THAP12: variants seen among roughly 807,000 people sequenced by gnomAD.
THAP12 encodes THAP domain containing 12, also known as 52 kDa repressor of the inhibitor of the protein kinase.
In THAP12, 20 loss-of-function variants were observed where a neutral mutation model predicts 63.0. That is an observed-to-expected ratio of 0.32 (90% confidence interval 0.22 to 0.46). THAP12 has a LOEUF of 0.46. Ranked by LOEUF, THAP12 falls within the 20% of genes least tolerant of loss-of-function variation. THAP12 has a pLI of 1.00. For missense variants in THAP12, 568 were observed against 908.2 expected, an observed-to-expected ratio of 0.63 and a Z score of 4.81; for synonymous variants, 264 against 328.4, an observed-to-expected ratio of 0.80 and a Z score of 2.12.
At chr11:76,379,740 T>C (rs1946737455) in intron 1 of THAP12, among the ~76,000 whole-genome samples, 1 of 152,220 alleles carries the variant, frequency 6.6e-6, no homozygotes, top group East Asian at 1.9e-4. Context: ...ACACACTACG[T>C]ATTTTACTTG....
chr11:76,358,573 G>A (rs1256512651), intron 3 of THAP12: 1 of 152,146 alleles, frequency 6.6e-6, no homozygotes, highest in Non-Finnish European at 1.5e-5. Context: ...GGGGAGCTGA[G>A]GTAAGAGGAC....
chr11:76,380,529 G>A (rs1173262997), intron 1 of THAP12, among the ~76,000 whole-genome samples: 1 of 152,164 alleles, frequency 6.6e-6, no homozygotes, highest in African/African-American at 2.4e-5. Flanking sequence ...TCCGCGCAGA[G>A]CCCCCACCAG....
At chr11:76,360,758 T>G (rs1365017682) in intron 3 of THAP12, among the ~76,000 whole-genome samples, 198 bp downstream of exon 3, 1 of 152,216 alleles carries the variant, frequency 6.6e-6, no homozygotes, top group African/African-American at 2.4e-5. Context: ...ACTGGCTAAC[T>G]CTGAGGGAGA....
chr11:76,359,383 A>T (rs912433558), intron 3 of THAP12: 1 of 152,200 alleles, frequency 6.6e-6, no homozygotes, highest in Non-Finnish European at 1.5e-5. Context: ...AATAGTTTAT[A>T]CTGTAACAGT....
At chr11:76,380,626 A>G in intron 1 of THAP12, 122 bp downstream of exon 1, 1 of 691,148 alleles carries the variant, frequency 1.4e-6, no homozygotes, top group Non-Finnish European at 2.0e-6. Flanking sequence ...GGTCGACGGC[A>G]GTGCGCTGCG....
chr11:76,380,811 T>C lies in THAP12; in HGVS notation c.26A>G (p.Asn9Ser), dbSNP rs956763266. 20 of 1,451,264 alleles carry C rather than the reference T, an allele frequency of 1.4e-5. No individual in the cohort carries two copies. The highest frequency in any genetic ancestry group is 4.5e-5 in the African/African-American group (3 of 67,252). The allele number at this position is 1,451,264 out of a possible 1,614,324, so 89.9% of individuals were successfully genotyped here. Reference protein sequence around the residue: MPNFCAAPNCTRKSTQSDL... With the variant: MPNFCAAPSCTRKSTQSDL... ...GGACTGCGTGCTCTTCCGCGTGCAG[T>C]TGGGGGCAGCGCAGAAGTTCGGCAT... Residue 9 changes from asparagine (N) to serine (S), a missense_variant, in exon 1 of 5, where the codon AAC becomes AGC. Coordinates refer to ENST00000260045, the MANE Select transcript of THAP12 (RefSeq NM_004705.4).
intron 1 of THAP12, among the ~76,000 whole-genome samples, chr11:76,378,398 C>T (rs908384121): frequency 6.6e-6 from 1 of 152,096 alleles, no homozygotes; most frequent in African/African-American, 2.4e-5. Context: ...GCACTGCAGC[C>T]TGGGCAACAG....
At position 76,350,892 on chromosome 11, in the gene THAP12, T is replaced by A; in HGVS notation, c.2258A>T (p.Asp753Val). 6.5e-7 allele frequency: 1 copy of A among 1,544,660 alleles called. No individual in the cohort carries two copies. Among genetic ancestry groups the A allele is most frequent in the Non-Finnish European group, 8.7e-7 (1 of 1,148,670 alleles). Residue 753 changes from aspartate (D) to valine (V), a missense_variant, in exon 5 of 5, where the codon GAT (aspartate) becomes GTT (valine). By Grantham distance (152) the Asp-to-Val change is radical. Coordinates refer to ENST00000260045, the MANE Select transcript of THAP12 (RefSeq NM_004705.4). ...GGTATTTTCCACAGTTTCGGAATTA[T>A]CTGTAGGAAGCTCTGACTTACTTGT... ...LYTSKSELPT[D>V]NSETVENT
chr11:76,373,015 T>C (rs1046007239), intron 1 of THAP12, among the ~76,000 whole-genome samples: 5 of 152,204 alleles, frequency 3.3e-5, no homozygotes, highest in African/African-American at 1.2e-4. Context: ...TCTCTGTACC[T>C]ACTTTGGTCA....
chr11:76,374,312 A>C (rs1013352009), intron 1 of THAP12, among the ~76,000 whole-genome samples: 1 of 152,200 alleles, frequency 6.6e-6, no homozygotes, highest in South Asian at 2.1e-4. Flanking sequence ...CTGTAAAACC[A>C]TAAATTGGTC....
At chr11:76,375,747 T>TG (rs142075711) in intron 1 of THAP12, among the ~76,000 whole-genome samples, 19,959 of 84,924 alleles carry the variant, frequency 0.24, 2,725 homozygotes, top group African/African-American at 0.38. Flanking sequence ...GAAGAAAAGG[T>TG]GGGGGGGGGG....
In THAP12 at chr11:76,351,520, T is replaced by C. The variant is rs765472631; in HGVS notation, c.1630A>G (p.Thr544Ala). The part of the protein sequence containing the change: ...FWFEEATNLA[T>A]KLDIQMKLPG... Reference sequence around the variant, plus strand: ...AGTTTCATTTGAATATCAAGTTTGGTTGCCAAATTTGTGGCTTCCTCAAAC... The same window carrying C: ...AGTTTCATTTGAATATCAAGTTTGGCTGCCAAATTTGTGGCTTCCTCAAAC... Residue 544 changes from threonine to alanine, a missense_variant, in exon 5 of 5, where the codon ACC becomes GCC. By Grantham distance (58) the Thr-to-Ala change is moderately conservative. Coordinates refer to ENST00000260045, the MANE Select transcript of THAP12 (RefSeq NM_004705.4). The C allele has an allele frequency of 5.8e-6, 9 of 1,553,988 alleles. No homozygotes were observed. The highest frequency in any genetic ancestry group is 2.4e-4 in the Middle Eastern group (1 of 4,250).
chr11:76,358,389 A>C (rs1199979427), intron 3 of THAP12: 1 of 152,232 alleles, frequency 6.6e-6, no homozygotes, highest in African/African-American at 2.4e-5. Context: ...ACTAGAGTTC[A>C]TTACAGAAAT....
In THAP12 at chr11:76,376,967, A is replaced by G. The variant is rs143306940; in HGVS notation, c.89+3781T>C. 1.4e-3 allele frequency among the ~76,000 whole-genome samples: 206 copies of G among 152,122 alleles called. 2 individuals carry two copies. Among genetic ancestry groups the G allele is most frequent in the African/African-American group, 4.7e-3 (195 of 41,552 alleles). On this transcript the variant is annotated intron_variant, in intron 1 of 4. Transcript: ENST00000260045. The stretch of plus-strand genomic sequence containing the variant: ...GATAACGCATAATGGGGCAAGGCCA[A>G]GTCAGACTAAGATGCTCCTCTCCTC...
intron 3 of THAP12, among the ~76,000 whole-genome samples, chr11:76,359,866 C>T (rs1404975067): frequency 6.6e-6 from 1 of 151,460 alleles, no homozygotes; most frequent in African/African-American, 2.4e-5. Context: ...TAAAGGTCCA[C>T]AAATAGTTAA....
Position 76,351,829 on chromosome 11 carries a change from G to A in THAP12, c.1321C>T (p.Leu441=), listed in dbSNP as rs778707915. 7 of 1,601,446 alleles carry A rather than the reference G, an allele frequency of 4.4e-6. No homozygotes were observed. In the South Asian group the frequency reaches 7.9e-5, roughly 18 times the overall value. The change falls in exon 5 of 5, where the codon CTG becomes TTG. Residue 441 remains leucine, a synonymous_variant. Coordinates refer to ENST00000260045, the MANE Select transcript of THAP12 (RefSeq NM_004705.4). ...HDAFEILVEL[L]QALVLCLDGI... is the part of the protein sequence containing the mutation. ...TCTAAACATAAAACAAGTGCTTGCA[G>A]GAGTTCCACTAAAATTTCAAAAGCA...
chr11:76,379,559 A>G (rs1161414331), intron 1 of THAP12, among the ~76,000 whole-genome samples: 3 of 152,254 alleles, frequency 2.0e-5, no homozygotes, highest in East Asian at 1.9e-4. Context: ...CTGCTGCCCA[A>G]GGTATCTCCA....
rs1946690101 is a variant in THAP12, at chr11:76,373,761, C to T, written c.89+6987G>A. On this transcript the variant is annotated intron_variant, in intron 1 of 4. Coordinates refer to ENST00000260045, the MANE Select transcript of THAP12 (RefSeq NM_004705.4). ...GAAATTTGCTGCTCACATTTTAGAG[C>T]AGCAATTCTCAAACTTCATAGTCCC... Among the ~76,000 whole-genome samples, 5 of 151,828 alleles carry T rather than the reference C, an allele frequency of 3.3e-5. No individual in the cohort carries two copies. The South Asian group carries it at 1.0e-3, about 32-fold the overall frequency.
intron 1 of THAP12, among the ~76,000 whole-genome samples, chr11:76,371,182 A>T (rs1323592372): frequency 6.6e-6 from 1 of 151,828 alleles, no homozygotes; most frequent in Non-Finnish European, 1.5e-5. Context: ...TCCGTGCTGC[A>T]GAGCATTTTT....
Sources: gnomAD v4.1 joint callset for allele counts (sites outside exome capture counted in the v4.1 genomes callset) on GRCh38, gnomAD v4.1.1 for gene constraint, MANE v1.5 for transcripts, NCBI Gene and HGNC (gene_info 2026-07-23, HGNC 2026-07-21) for gene names.